The following ALX4 variants were observed in gnomAD, a reference collection of about 807,000 sequenced individuals.
The protein encoded by ALX4 is homeobox protein aristaless-like 4.
In ALX4, 22 loss-of-function variants were observed where a neutral mutation model predicts 40.6. That is an observed-to-expected ratio of 0.54 (90% confidence interval 0.39 to 0.77). ALX4 has a LOEUF of 0.77. Among genes scored for constraint, ALX4 ranks in the 30% least tolerant of loss-of-function variants. The pLI is 0.00. For missense variants in ALX4, 556 were observed against 564.8 expected, an observed-to-expected ratio of 0.98 and a Z score of 0.16; for synonymous variants, 266 against 240.5, an observed-to-expected ratio of 1.11 and a Z score of -0.98.
intron 2 of ALX4, among the ~76,000 whole-genome samples, chr11:44,272,747 C>T (rs754819423): frequency 1.3e-5 from 2 of 150,058 alleles, no homozygotes; most frequent in Non-Finnish European, 1.5e-5. Context: ...AGGTGGAGGC[C>T]GCAGTGAGCC....
intron 1 of ALX4, among the ~76,000 whole-genome samples, chr11:44,282,643 G>A (rs1366707376): frequency 6.6e-6 from 1 of 152,244 alleles, no homozygotes; most frequent in Non-Finnish European, 1.5e-5. Context: ...CGACTCCACA[G>A]TGAAAAGAAA....
At chr11:44,276,127 T>C (rs546849740) in intron 1 of ALX4, among the ~76,000 whole-genome samples, 60 of 152,140 alleles carry the variant, frequency 3.9e-4, no homozygotes, top group Non-Finnish European at 6.3e-4. Flanking sequence ...GGACCCAGGA[T>C]TGAGGCAGAC....
chr11:44,309,820 A>T lies in ALX4; in HGVS notation c.243T>A (p.Ala81=). Reference sequence around the variant, plus strand: ...ACTTGTTAAAGGAGCCCCGCGCCCCAGCTCCACTCTCCAGGGGTGTCGCCA... The same window carrying T: ...ACTTGTTAAAGGAGCCCCGCGCCCCTGCTCCACTCTCCAGGGGTGTCGCCA... The part of the protein sequence containing the change: ...QDLATPLESG[A]GARGSFNKFQ... Residue 81 remains alanine (A), a synonymous_variant, in exon 1 of 4, where the codon GCT becomes GCA. Coordinates refer to ENST00000652299, the MANE Select transcript of ALX4 (RefSeq NM_021926.4). 2 of 1,553,186 alleles carry T rather than the reference A, an allele frequency of 1.3e-6. No homozygotes were observed. The highest frequency in any genetic ancestry group is 1.7e-6 in the Non-Finnish European group (2 of 1,148,150).
intron 1 of ALX4, among the ~76,000 whole-genome samples, chr11:44,301,280 G>A (rs1171260790): frequency 1.3e-5 from 2 of 152,196 alleles, no homozygotes; most frequent in African/African-American, 4.8e-5. Flanking sequence ...TGTGCTGCAG[G>A]GTCAGGGGAG....
In ALX4 at chr11:44,274,162, T is replaced by C. The variant is rs183936624; in HGVS notation, c.777+1186A>G. On this transcript the variant is annotated intron_variant, in intron 2 of 3. Coordinates refer to ENST00000652299, the MANE Select transcript of ALX4 (RefSeq NM_021926.4). ...CTCTAAAAAGAAAACAAAAAAAATT[T>C]AAAAAATTTTTAAGAAGATAAAATA... 1.9e-3 allele frequency among the ~76,000 whole-genome samples: 283 copies of C among 152,212 alleles called. 1 individual carries two copies. The highest frequency in any genetic ancestry group is 3.1e-3 in the Non-Finnish European group (211 of 68,008).
At chr11:44,277,375 C>G (rs762843985) in intron 1 of ALX4, among the ~76,000 whole-genome samples, 3 of 152,096 alleles carry the variant, frequency 2.0e-5, no homozygotes, top group Non-Finnish European at 4.4e-5. Flanking sequence ...GTGAACTCCT[C>G]GAGAACTGTA....
chr11:44,277,950 G>T (rs886540056), intron 1 of ALX4, among the ~76,000 whole-genome samples: 2 of 152,102 alleles, frequency 1.3e-5, no homozygotes, highest in African/African-American at 4.8e-5. Flanking sequence ...TGGCAGCTGG[G>T]CCAAGAGCTT....
At chr11:44,273,421 T>C in intron 2 of ALX4, among the ~76,000 whole-genome samples, 1 of 152,216 alleles carries the variant, frequency 6.6e-6, no homozygotes, top group East Asian at 1.9e-4. Context: ...CTTTTCTTTC[T>C]TTCTGATCCT....
chr11:44,286,212 G>A (rs577667431), intron 1 of ALX4, among the ~76,000 whole-genome samples: 4 of 152,332 alleles, frequency 2.6e-5, no homozygotes, highest in African/African-American at 9.6e-5. Flanking sequence ...GAGGAAACCA[G>A]CCACAGCGCA....
At chr11:44,300,667 CCCAGGTGGGACAGGG>C (rs1956429621) in intron 1 of ALX4, among the ~76,000 whole-genome samples, 2 of 152,316 alleles carry the variant, frequency 1.3e-5, no homozygotes, top group South Asian at 4.2e-4. Context: ...ATACTCCCCT[CCCAGGTGGGACAGGG>C]CCAAAGTGCC....
chr11:44,292,933 T>TA (rs1241850218), intron 1 of ALX4, among the ~76,000 whole-genome samples: 48 of 150,598 alleles, frequency 3.2e-4, no homozygotes, highest in African/African-American at 1.1e-3. Flanking sequence ...CCCATCTCTA[T>TA]AAAAAAAATT....
At chr11:44,293,094 C>A (rs1373826356) in intron 1 of ALX4, among the ~76,000 whole-genome samples, 1 of 131,494 alleles carries the variant, frequency 7.6e-6, no homozygotes, top group Non-Finnish European at 1.6e-5. Flanking sequence ...GAGACCCTGT[C>A]TGAGAGAAGG....
At chr11:44,277,189 T>A (rs1338007016) in intron 1 of ALX4, among the ~76,000 whole-genome samples, 2 of 152,188 alleles carry the variant, frequency 1.3e-5, no homozygotes, top group African/African-American at 2.4e-5. Flanking sequence ...GTTTTGCCAT[T>A]ATTGATATTC....
rs75473881 is a variant in ALX4 at position 44,303,356 on chromosome 11, C to T, written c.466+6241G>A. 4.5e-3 allele frequency among the ~76,000 whole-genome samples: 688 copies of T among 152,338 alleles called. 5 individuals are homozygous for T. Among genetic ancestry groups the T allele is most frequent in the African/African-American group, 0.016 (664 of 41,578 alleles). On this transcript the variant is annotated intron_variant, in intron 1 of 3. Coordinates refer to ENST00000652299, the MANE Select transcript of ALX4 (RefSeq NM_021926.4). ...CCAGTGCCCAGCAGCCTTGACCAAG[C>T]GGTCCCGAGTACAAGCGGCGCCTTC...
In ALX4 at chr11:44,263,371, A is replaced by G. The variant is rs961232466; in HGVS notation, c.*1483T>C. ...GGTGAGGGCTGGGGCTCAGGGCCAG[A>G]CCCAAGCTACAGGGGTCGGGCAGGC... On this transcript the variant is annotated 3_prime_UTR_variant, in exon 4 of 4. Coordinates refer to ENST00000652299, the MANE Select transcript of ALX4 (RefSeq NM_021926.4). 1.3e-5 allele frequency: 2 copies of G among 152,112 alleles called. No homozygotes were observed. Among genetic ancestry groups the G allele is most frequent in the Non-Finnish European group, 2.9e-5 (2 of 68,050 alleles). The allele number at this position is 152,112 out of a possible 1,614,324, so 9.4% of individuals were successfully genotyped here. A position where few individuals can be genotyped will look rare whatever the true frequency, so the allele number is the denominator to read the frequency against.
At chr11:44,266,924 A>G (rs1383177743) in intron 3 of ALX4, among the ~76,000 whole-genome samples, 2 of 152,186 alleles carry the variant, frequency 1.3e-5, no homozygotes, top group Admixed American at 6.5e-5. Flanking sequence ...TTCACAAAAT[A>G]CTTTTGCATG....
intron 1 of ALX4, among the ~76,000 whole-genome samples, chr11:44,296,737 G>A (rs564167670): frequency 2.0e-5 from 3 of 152,254 alleles, no homozygotes; most frequent in Admixed American, 6.5e-5. Context: ...GGCCAGGTGC[G>A]GTGGCTCACA....
At chr11:44,292,138 A>G (rs946340683) in intron 1 of ALX4, among the ~76,000 whole-genome samples, 11 of 152,022 alleles carry the variant, frequency 7.2e-5, no homozygotes, top group African/African-American at 2.7e-4. Context: ...ATTCCAATCT[A>G]GAGAATCACT....
At chr11:44,278,011 GTTT>G (rs34077997) in intron 1 of ALX4, among the ~76,000 whole-genome samples, 4 of 141,880 alleles carry the variant, frequency 2.8e-5, no homozygotes, top group Non-Finnish European at 3.1e-5. Context: ...TATGTTTTAG[GTTT>G]TTTTTTTTTT....
Sources: gnomAD v4.1 joint callset for allele counts (sites outside exome capture counted in the v4.1 genomes callset) on GRCh38, gnomAD v4.1.1 for gene constraint, MANE v1.5 for transcripts, NCBI Gene and HGNC (gene_info 2026-07-23, HGNC 2026-07-21) for gene names.